DUSP7: variants seen among roughly 807,000 people sequenced by gnomAD.
DUSP7 encodes the protein dual specificity protein phosphatase 7.
Under a neutral mutation model 29.8 loss-of-function variants are expected in DUSP7, and 7 were observed. That is an observed-to-expected ratio of 0.24 (90% CI 0.13 to 0.44). The LOEUF (loss-of-function observed/expected upper bound fraction) is 0.44. Among genes scored for constraint, DUSP7 ranks in the 20% least tolerant of loss-of-function variants. The pLI is 1.00. For synonymous variants in DUSP7, 287 were observed against 275.4 expected (o/e 1.04, Z -0.42); for missense variants, 400 against 583.7 (o/e 0.69, Z 3.24).
Position 52,054,953 on chromosome 3 carries a change from TC to T in DUSP7, c.518-580del, listed in dbSNP as rs1248875923. On this transcript the variant is annotated intron_variant, in intron 1 of 2. Coordinates refer to ENST00000495880, the MANE Select transcript of DUSP7 (RefSeq NM_001947.4). This position sits in a 1 kb window ranked among gnomAD's most constrained non-coding sequence, Gnocchi z 4.1. ...AGTGGGAAGGTACTGGCTGGCCCCT[TC>T]CCCCAGCAGGGGCAGGTTTTTGAAG... Among the ~76,000 whole-genome samples, 2 of 152,014 alleles carry T rather than the reference TC, an allele frequency of 1.3e-5. No individual in the cohort carries two copies. The highest frequency in any genetic ancestry group is 2.4e-5 in the African/African-American group (1 of 41,376).
In DUSP7 at chr3:52,054,526, C is replaced by T; in HGVS notation, c.518-152G>A. 1 of 607,208 alleles carries T rather than the reference C, an allele frequency of 1.6e-6. No homozygotes were observed. Among genetic ancestry groups the T allele is most frequent in the Admixed American group, 3.4e-5 (1 of 29,428 alleles). 37.6% of individuals were successfully genotyped at this position (607,208 alleles called of 1,614,324 possible). A position where few individuals can be genotyped will look rare whatever the true frequency, so the allele number is the denominator to read the frequency against. ...GCCAAGCATGTTACACGTGTGCCCT[C>T]TCTCGTGTTCTCTCCATCTAAACCA... On this transcript the variant is annotated intron_variant, in intron 1 of 2. Coordinates refer to ENST00000495880, the MANE Select transcript of DUSP7 (RefSeq NM_001947.4). This position sits in a 1 kb window ranked among gnomAD's most constrained non-coding sequence, Gnocchi z 4.1.
rs1296761703 is a variant in DUSP7 at position 52,050,800 on chromosome 3, C to G, written c.*15G>C. On this transcript the variant is annotated 3_prime_UTR_variant, in exon 3 of 3. Coordinates refer to ENST00000495880, the MANE Select transcript of DUSP7 (RefSeq NM_001947.4). The surrounding 1 kb of genome is among the most constrained non-coding windows in gnomAD (Gnocchi z 5.0). ...CGAGCAGGGGCCTGGTGCCATGCCCCCCGTGCACCAGGCCTCACGTGGACT... is the reference window on the plus strand; with the variant it reads ...CGAGCAGGGGCCTGGTGCCATGCCCGCCGTGCACCAGGCCTCACGTGGACT... 9.4e-6 allele frequency: 15 copies of G among 1,602,816 alleles called. No individual in the cohort carries two copies. Among genetic ancestry groups the G allele is most frequent in the Non-Finnish European group, 1.2e-5 (14 of 1,171,554 alleles).
chr3:52,054,488 C>T lies in DUSP7; in HGVS notation c.518-114G>A. On this transcript the variant is annotated intron_variant, in intron 1 of 2. Coordinates refer to ENST00000495880, the MANE Select transcript of DUSP7 (RefSeq NM_001947.4). The surrounding 1 kb of genome is among the most constrained non-coding windows in gnomAD (Gnocchi z 4.1). ...CGCCAAACACCACAGCACCCACGGTCAGCATGGGCCATGCCAAGCATGTTA... is the reference window on the plus strand; with the variant it reads ...CGCCAAACACCACAGCACCCACGGTTAGCATGGGCCATGCCAAGCATGTTA... 1.2e-6 allele frequency: 1 copy of T among 812,764 alleles called. No homozygotes were observed. Among genetic ancestry groups the T allele is most frequent in the Non-Finnish European group, 1.9e-6 (1 of 529,246 alleles). 50.3% of individuals were successfully genotyped at this position (812,764 alleles called of 1,614,324 possible).
chr3:52,056,497 C>T lies in DUSP7; in HGVS notation c.-131G>A. ...GCTGCGCGCCCGCCGCCCCGGCCTC[C>T]CGGCCTCCCGGCCTCCGTCCCGCCC... On this transcript the variant is annotated 5_prime_UTR_variant, in exon 1 of 3. Coordinates refer to ENST00000495880, the MANE Select transcript of DUSP7 (RefSeq NM_001947.4). The surrounding 1 kb of genome is among the most constrained non-coding windows in gnomAD (Gnocchi z 6.4). The T allele has an allele frequency of 3.5e-6, 1 of 281,762 alleles. No individual in the cohort carries two copies. Among genetic ancestry groups the T allele is most frequent in the Non-Finnish European group, 5.3e-6 (1 of 189,380 alleles). 17.5% of individuals were successfully genotyped at this position (281,762 alleles called of 1,614,324 possible).
At position 52,056,176 on chromosome 3, in the gene DUSP7, A is replaced by G; in HGVS notation, c.191T>C (p.Leu64Pro). The G allele has an allele frequency of 6.3e-7, 1 of 1,584,290 alleles. No individual in the cohort carries two copies. Among genetic ancestry groups the G allele is most frequent in the South Asian group, 1.1e-5 (1 of 89,120 alleles). ...CAAGGACGCGCCGCCGCGCGCCTCC[A>G]GCTCCTCCTGCAGCCACTCGGCGCT... ...CKSAEWLQEE[L>P]EARGGASLLL... Residue 64 changes from leucine to proline, a missense_variant, in exon 1 of 3, where the codon CTG (leucine) becomes CCG (proline). Leu to Pro is a moderately conservative substitution (Grantham distance 98). Coordinates refer to ENST00000495880, the MANE Select transcript of DUSP7 (RefSeq NM_001947.4). This position sits in a 1 kb window ranked among gnomAD's most constrained non-coding sequence, Gnocchi z 6.4.
rs1006469646 is a variant in DUSP7, at chr3:52,055,968, C to A, written c.399G>T (p.Val133=). Residue 133 remains valine (V), a synonymous_variant, in exon 1 of 3, where the codon GTG becomes GTT. Transcript: ENST00000495880. ...CGGCCGTGGCCTCGTCGTAGAGCAGCACGGTGGCCGCCTTGCAGCGCGTGG... is the reference window on the plus strand; with the variant it reads ...CGGCCGTGGCCTCGTCGTAGAGCAGAACGGTGGCCGCCTTGCAGCGCGTGG... ...RFATRCKAAT[V]LLYDEATAEW... is the part of the protein sequence containing the mutation. The A allele has an allele frequency of 6.3e-7, 1 of 1,576,828 alleles. No individual in the cohort carries two copies. The highest frequency in any genetic ancestry group is 1.1e-5 in the South Asian group (1 of 87,024).
Position 52,056,211 on chromosome 3 carries a change from C to A in DUSP7, c.156G>T (p.Met52Ile). The change falls in exon 1 of 3, where the codon ATG (methionine) becomes ATT (isoleucine). Residue 52 changes from methionine (M) to isoleucine (I), a missense_variant. This residue lies in a region of DUSP7 where 96 missense variants were observed against 97.1 expected (regional missense o/e 0.99). Coordinates refer to ENST00000495880, the MANE Select transcript of DUSP7 (RefSeq NM_001947.4). The surrounding 1 kb of genome is among the most constrained non-coding windows in gnomAD (Gnocchi z 6.4). Reference protein sequence around the residue: ...GAGAATGAGAMPCKSAEWLQE... With the variant: ...GAGAATGAGAIPCKSAEWLQE... ...GCAGCCACTCGGCGCTCTTGCAGGG[C>A]ATGGCCCCTGCCCCCGTCGCCGCGC... 6.6e-7 allele frequency: 1 copy of A among 1,514,584 alleles called. No individual in the cohort carries two copies. The allele number at this position is 1,514,584 out of a possible 1,614,324, so 93.8% of individuals were successfully genotyped here. A position where few individuals can be genotyped will look rare whatever the true frequency, so the allele number is the denominator to read the frequency against.
rs904573556 is a variant in DUSP7, at chr3:52,053,080, G to C, written c.952+860C>G. The C allele has an allele frequency of 6.6e-6, 1 of 152,366 alleles. No individual in the cohort carries two copies. The highest frequency in any genetic ancestry group is 6.5e-5 in the Admixed American group (1 of 15,284). The allele number at this position is 152,366 out of a possible 1,614,324, so 9.4% of individuals were successfully genotyped here. ...CCCTCCACTGGACACAGCCACCATC[G>C]GGAAAAGACAGCCCGGGCCACCCCC... is the stretch of plus-strand genomic sequence containing the variant. On this transcript the variant is annotated intron_variant, in intron 2 of 2. Coordinates refer to ENST00000495880, the MANE Select transcript of DUSP7 (RefSeq NM_001947.4). The surrounding 1 kb of genome is among the most constrained non-coding windows in gnomAD (Gnocchi z 4.6).
chr3:52,049,252 G>C lies in DUSP7; in HGVS notation c.*1563C>G, dbSNP rs549446191. Reference sequence around the variant, plus strand: ...ACCCCCGTGAGGTAAGAAGCAGTGGGGCAGAGTTTTTCTGTGGCCTCACTC... The same window carrying C: ...ACCCCCGTGAGGTAAGAAGCAGTGGCGCAGAGTTTTTCTGTGGCCTCACTC... On this transcript the variant is annotated 3_prime_UTR_variant, in exon 3 of 3. Coordinates refer to ENST00000495880, the MANE Select transcript of DUSP7 (RefSeq NM_001947.4). The C allele has an allele frequency of 6.6e-6, 1 of 152,324 alleles. No individual in the cohort carries two copies. Among genetic ancestry groups the C allele is most frequent in the Admixed American group, 6.5e-5 (1 of 15,296 alleles). 9.4% of individuals were successfully genotyped at this position (152,324 alleles called of 1,614,324 possible). A position where few individuals can be genotyped will look rare whatever the true frequency, so the allele number is the denominator to read the frequency against.
rs1414641477 is a variant in DUSP7, at chr3:52,051,813, C to T, written c.953-691G>A. 2 of 152,354 alleles carry T rather than the reference C, an allele frequency of 1.3e-5. No homozygotes were observed. Among genetic ancestry groups the T allele is most frequent in the Non-Finnish European group, 2.9e-5 (2 of 68,128 alleles). 9.4% of individuals were successfully genotyped at this position (152,354 alleles called of 1,614,324 possible). A position where few individuals can be genotyped will look rare whatever the true frequency, so the allele number is the denominator to read the frequency against. On this transcript the variant is annotated intron_variant, in intron 2 of 2. Coordinates refer to ENST00000495880, the MANE Select transcript of DUSP7 (RefSeq NM_001947.4). The surrounding 1 kb of genome is among the most constrained non-coding windows in gnomAD (Gnocchi z 4.8). ...CCATCTGCCCAGCTAGTCCCCAAGGCCTTAACTCCAGCTCCTAAGACACAT... is the reference window on the plus strand; with the variant it reads ...CCATCTGCCCAGCTAGTCCCCAAGGTCTTAACTCCAGCTCCTAAGACACAT...
chr3:52,050,720 T>A lies in DUSP7; in HGVS notation c.*95A>T. 7.4e-7 allele frequency: 1 copy of A among 1,358,942 alleles called. No individual in the cohort carries two copies. 84.2% of individuals were successfully genotyped at this position (1,358,942 alleles called of 1,614,324 possible). On this transcript the variant is annotated 3_prime_UTR_variant, in exon 3 of 3. Coordinates refer to ENST00000495880, the MANE Select transcript of DUSP7 (RefSeq NM_001947.4). The surrounding 1 kb of genome is among the most constrained non-coding windows in gnomAD (Gnocchi z 5.0). ...TCTGGGCACAGGTGACATCTGGGGG[T>A]TCCTCAGGCCAGAGGTGGCGGGCTT... is the stretch of plus-strand genomic sequence containing the variant.
rs1701832044 is a variant in DUSP7 at position 52,050,244 on chromosome 3, CA to C, written c.*570del. Reference sequence around the variant, plus strand: ...TGTCTTTTCCATTAAAAAACAAAAACAAAAACAAACACGATACTTGCTTTTT... The same window carrying C: ...TGTCTTTTCCATTAAAAAACAAAAACAAAACAAACACGATACTTGCTTTTT... On this transcript the variant is annotated 3_prime_UTR_variant, in exon 3 of 3. Coordinates refer to ENST00000495880, the MANE Select transcript of DUSP7 (RefSeq NM_001947.4). This position sits in a 1 kb window ranked among gnomAD's most constrained non-coding sequence, Gnocchi z 5.0. 1.3e-5 allele frequency: 2 copies of C among 152,040 alleles called. No individual in the cohort carries two copies. The highest frequency in any genetic ancestry group is 2.9e-5 in the Non-Finnish European group (2 of 67,982). The allele number at this position is 152,040 out of a possible 1,614,324, so 9.4% of individuals were successfully genotyped here.
At position 52,054,273 on chromosome 3, in the gene DUSP7, G is replaced by A. The variant is rs1458775452; in HGVS notation, c.619C>T (p.Leu207=). Residue 207 remains leucine (L), a synonymous_variant, in exon 2 of 3, where the codon CTG becomes TTG. Transcript: ENST00000495880. The surrounding 1 kb of genome is among the most constrained non-coding windows in gnomAD (Gnocchi z 4.1). ...SSSPPTSVLG[L]GGLRISSDCS... is the part of the protein sequence containing the mutation. Reference sequence around the variant, plus strand: ...TCAGAGCTGATGCGCAGGCCCCCCAGGCCCAGCACTGAGGTGGGTGGCGAG... The same window carrying A: ...TCAGAGCTGATGCGCAGGCCCCCCAAGCCCAGCACTGAGGTGGGTGGCGAG... The A allele has an allele frequency of 6.2e-7, 1 of 1,604,932 alleles. No individual in the cohort carries two copies. Among genetic ancestry groups the A allele is most frequent in the South Asian group, 1.1e-5 (1 of 89,942 alleles).
rs573055165 is a variant in DUSP7, at chr3:52,054,337, G to A, written c.555C>T (p.His185=). 57 of 1,549,154 alleles carry A rather than the reference G, an allele frequency of 3.7e-5. No individual in the cohort carries two copies. The South Asian group carries it at 5.1e-4, about 14-fold the overall frequency. The change falls in exon 2 of 3, where the codon CAC becomes CAT. Residue 185 remains histidine, a synonymous_variant. Transcript: ENST00000495880. This position sits in a 1 kb window ranked among gnomAD's most constrained non-coding sequence, Gnocchi z 4.1. ...AAGAGCTGTCCACGTTGGTCTCGCA[G>A]TGCTCAGAGTACTCTGTTTGAAACT... The part of the protein sequence containing the change: ...FNKFQTEYSE[H]CETNVDSSSS...
At position 52,049,866 on chromosome 3, in the gene DUSP7, C is replaced by T. The variant is rs1370411402; in HGVS notation, c.*949G>A. 1 of 152,222 alleles carries T rather than the reference C, an allele frequency of 6.6e-6. No homozygotes were observed. Among genetic ancestry groups the T allele is most frequent in the Admixed American group, 6.5e-5 (1 of 15,278 alleles). 9.4% of individuals were successfully genotyped at this position (152,222 alleles called of 1,614,324 possible). A position where few individuals can be genotyped will look rare whatever the true frequency, so the allele number is the denominator to read the frequency against. Reference sequence around the variant, plus strand: ...GCCCAGGCCTTCTTAGGGGCTGACCCCAGAGGGCTAATGCTACTGCCTGGC... The same window carrying T: ...GCCCAGGCCTTCTTAGGGGCTGACCTCAGAGGGCTAATGCTACTGCCTGGC... On this transcript the variant is annotated 3_prime_UTR_variant, in exon 3 of 3. Coordinates refer to ENST00000495880, the MANE Select transcript of DUSP7 (RefSeq NM_001947.4).
In DUSP7 at chr3:52,051,316, G is replaced by A. The variant is rs1701844670; in HGVS notation, c.953-194C>T. On this transcript the variant is annotated intron_variant, in intron 2 of 2. Transcript: ENST00000495880. The surrounding 1 kb of genome is among the most constrained non-coding windows in gnomAD (Gnocchi z 4.8). ...GAGGTCAACAGCACTGCTGTGGAGAGGGCTCTGCACACTTTAGCCCCAAGG... is the reference window on the plus strand; with the variant it reads ...GAGGTCAACAGCACTGCTGTGGAGAAGGCTCTGCACACTTTAGCCCCAAGG... Among the ~76,000 whole-genome samples, 1 of 152,194 alleles carries A rather than the reference G, an allele frequency of 6.6e-6. No homozygotes were observed. The highest frequency in any genetic ancestry group is 1.5e-5 in the Non-Finnish European group (1 of 68,036).
intron 1 of DUSP7, among the ~76,000 whole-genome samples, chr3:52,055,616 G>A (rs949504020): frequency 6.6e-6 from 1 of 152,324 alleles, no homozygotes; most frequent in African/African-American, 2.4e-5. Flanking sequence ...CCCAGGCAGG[G>A]GAAAGTTTGT....
Position 52,055,741 on chromosome 3 carries a change from C to T in DUSP7, c.517+109G>A, listed in dbSNP as rs1028030568. 6.1e-6 allele frequency: 8 copies of T among 1,322,206 alleles called. No individual in the cohort carries two copies. In the South Asian group the frequency reaches 1.3e-4, roughly 21 times the overall value. The allele number at this position is 1,322,206 out of a possible 1,614,324, so 81.9% of individuals were successfully genotyped here. On this transcript the variant is annotated intron_variant, in intron 1 of 2. Coordinates refer to ENST00000495880, the MANE Select transcript of DUSP7 (RefSeq NM_001947.4). ...CGGATGCGGGCCGGGGACGACGTGG[C>T]GCCCAGAGGGGCAGGCCGAGCGCGT...
rs780396796 is a variant in DUSP7 at position 52,051,312 on chromosome 3, G to T, written c.953-190C>A. 6.6e-6 allele frequency among the ~76,000 whole-genome samples: 1 copy of T among 152,220 alleles called. No individual in the cohort carries two copies. The highest frequency in any genetic ancestry group is 1.5e-5 in the Non-Finnish European group (1 of 68,032). ...AATAGAGGTCAACAGCACTGCTGTGGAGAGGGCTCTGCACACTTTAGCCCC... is the reference window on the plus strand; with the variant it reads ...AATAGAGGTCAACAGCACTGCTGTGTAGAGGGCTCTGCACACTTTAGCCCC... On this transcript the variant is annotated intron_variant, in intron 2 of 2. Transcript: ENST00000495880. This position sits in a 1 kb window ranked among gnomAD's most constrained non-coding sequence, Gnocchi z 4.8.
Sources: allele counts gnomAD v4.1 joint callset (sites outside exome capture counted in the v4.1 genomes callset), GRCh38; gene constraint gnomAD v4.1.1; regional missense constraint gnomAD v4.1.1; non-coding constraint Gnocchi (gnomAD v3.1); transcripts MANE v1.5; gene names NCBI Gene and HGNC (gene_info 2026-07-23, HGNC 2026-07-21).